The following RFFL variants were observed in gnomAD, a reference collection of about 807,000 sequenced individuals.
RFFL encodes ring finger and FYVE like domain containing E3 ubiquitin protein ligase.
Under a neutral mutation model 40.4 loss-of-function variants are expected in RFFL, and 16 were observed. That is an observed-to-expected ratio of 0.40 (90% CI 0.27 to 0.60). The LOEUF (loss-of-function observed/expected upper bound fraction) is 0.60. RFFL is among the 20% of genes least tolerant of loss of function. The pLI is 0.47. For synonymous variants in RFFL, 154 were observed against 167.9 expected, an observed-to-expected ratio of 0.92 and a Z score of 0.64; for missense variants, 367 against 451.7, an observed-to-expected ratio of 0.81 and a Z score of 1.70.
At chr17:35,065,123 T>C (rs768584135), upstream of RFFL, among the ~76,000 whole-genome samples, 96 of 151,620 alleles carry the variant, frequency 6.3e-4, no homozygotes, top group Admixed American at 2.9e-3. Context: ...AACCACACTT[T>C]AAAAAAAATT....
Position 35,009,690 on chromosome 17 carries a change from G to A in RFFL, c.*2278C>T, listed in dbSNP as rs1407769186. On this transcript the variant is annotated 3_prime_UTR_variant, in exon 7 of 7. Coordinates refer to ENST00000394597, the MANE Select transcript of RFFL (RefSeq NM_001017368.2). ...AAGGCAAAATGAGTAAACAACCTCA[G>A]TTTTAATTCTTACTGAGGTTACTAA... The A allele has an allele frequency of 6.6e-6, 1 of 152,076 alleles. No individual in the cohort carries two copies. The highest frequency in any genetic ancestry group is 1.5e-5 in the Non-Finnish European group (1 of 68,022). The allele number at this position is 152,076 out of a possible 1,614,324, so 9.4% of individuals were successfully genotyped here. A position where few individuals can be genotyped will look rare whatever the true frequency, so the allele number is the denominator to read the frequency against.
At chr17:35,049,034 G>C (rs139400792) in intron 1 of RFFL, among the ~76,000 whole-genome samples, 103 of 152,222 alleles carry the variant, frequency 6.8e-4, no homozygotes, top group South Asian at 1.9e-3. Flanking sequence ...TCCTTGCCAA[G>C]AACACCTGTG....
Position 35,014,638 on chromosome 17 carries a change from G to C in RFFL, c.910+102C>G, listed in dbSNP as rs77160859. 5.0e-3 allele frequency: 5,597 copies of C among 1,110,786 alleles called. 176 individuals carry two copies. In the African/African-American group the frequency reaches 0.076, roughly 15 times the overall value. 68.8% of individuals were successfully genotyped at this position (1,110,786 alleles called of 1,614,324 possible). A position where few individuals can be genotyped will look rare whatever the true frequency, so the allele number is the denominator to read the frequency against. On this transcript the variant is annotated intron_variant, in intron 6 of 6. Coordinates refer to ENST00000394597, the MANE Select transcript of RFFL (RefSeq NM_001017368.2). ...TTTCCCACACACCCTCTCTCTGGGG[G>C]CTCAAATGCTCAGAATTCTTAGATT...
intron 1 of RFFL, chr17:35,076,686 A>G (rs964778725): frequency 9.9e-6 from 1 of 101,146 alleles, no homozygotes; most frequent in Non-Finnish European, 2.1e-5. Context: ...CTCAAATAAT[A>G]ATAATAATAA....
chr17:35,081,688 G>A (rs1283871967), intron 1 of RFFL, among the ~76,000 whole-genome samples: 1 of 151,986 alleles, frequency 6.6e-6, no homozygotes, highest in Admixed American at 6.6e-5. Flanking sequence ...GTACCCTGGG[G>A]CCTAAGTCCA....
chr17:35,085,218 AAC>A (rs2091423485), intron 1 of RFFL, among the ~76,000 whole-genome samples: 1 of 152,192 alleles, frequency 6.6e-6, no homozygotes, highest in African/African-American at 2.4e-5. Flanking sequence ...AGCTGCACTG[AAC>A]CCAATGTGAC....
chr17:35,078,436 G>A (rs1278508525), intron 1 of RFFL, among the ~76,000 whole-genome samples: 1 of 152,100 alleles, frequency 6.6e-6, no homozygotes, highest in African/African-American at 2.4e-5. Flanking sequence ...CTGAGTAGCT[G>A]AGACTGCAGG....
rs2091009425 is a variant in RFFL, at chr17:35,021,637, A to G, written c.325T>C (p.Leu109=). The change falls in exon 3 of 7, where the codon TTG becomes CTG. Residue 109 remains leucine, a synonymous_variant. Coordinates refer to ENST00000394597, the MANE Select transcript of RFFL (RefSeq NM_001017368.2). The part of the protein sequence containing the change: ...EELMKMKVKD[L]RDYLSLHDIS... Reference sequence around the variant, plus strand: ...TCATGGAGGCTGAGATAGTCCCTCAAGTCCTTCACCTTCATCTTCATGAGC... The same window carrying G: ...TCATGGAGGCTGAGATAGTCCCTCAGGTCCTTCACCTTCATCTTCATGAGC... The G allele has an allele frequency of 1.2e-6, 2 of 1,614,126 alleles. No homozygotes were observed. The highest frequency in any genetic ancestry group is 1.1e-5 in the South Asian group (1 of 91,090).
At chr17:35,082,215 G>C (rs1407096831) in intron 1 of RFFL, among the ~76,000 whole-genome samples, 1 of 152,132 alleles carries the variant, frequency 6.6e-6, no homozygotes, top group Non-Finnish European at 1.5e-5. Context: ...TCCAGGGACT[G>C]GGCCTGCATC....
At chr17:35,049,381 G>A (rs1418594570) in intron 1 of RFFL, among the ~76,000 whole-genome samples, 1 of 152,080 alleles carries the variant, frequency 6.6e-6, no homozygotes, top group African/African-American at 2.4e-5. Flanking sequence ...CAGCAGAATG[G>A]ACCTGGTTCA....
upstream of RFFL, among the ~76,000 whole-genome samples, chr17:35,067,733 G>T (rs534003075): frequency 6.6e-6 from 1 of 152,296 alleles, no homozygotes; most frequent in South Asian, 2.1e-4. Context: ...GGGATTATAG[G>T]TGTGAGCCAC....
In RFFL at chr17:35,008,035, C is replaced by T. The variant is rs1005039422; in HGVS notation, c.*3933G>A. On this transcript the variant is annotated 3_prime_UTR_variant, in exon 7 of 7. Coordinates refer to ENST00000394597, the MANE Select transcript of RFFL (RefSeq NM_001017368.2). ...GGATTACAGGCGTGAGCCATGGCGCCCAGCCTGGGCCAACCTTTTCTGAGC... is the reference window on the plus strand; with the variant it reads ...GGATTACAGGCGTGAGCCATGGCGCTCAGCCTGGGCCAACCTTTTCTGAGC... 2 of 152,284 alleles carry T rather than the reference C, an allele frequency of 1.3e-5. No homozygotes were observed. The highest frequency in any genetic ancestry group is 2.4e-5 in the African/African-American group (1 of 41,454). 9.4% of individuals were successfully genotyped at this position (152,284 alleles called of 1,614,324 possible). A position where few individuals can be genotyped will look rare whatever the true frequency, so the allele number is the denominator to read the frequency against.
intron 1 of RFFL, among the ~76,000 whole-genome samples, chr17:35,075,351 T>C (rs939879904): frequency 1.3e-5 from 2 of 152,340 alleles, no homozygotes; most frequent in African/African-American, 2.4e-5. Flanking sequence ...CTTTTTCCCA[T>C]TTCTAGTTTT....
At chr17:35,041,824 C>A (rs1196366961) in intron 1 of RFFL, among the ~76,000 whole-genome samples, 2 of 152,084 alleles carry the variant, frequency 1.3e-5, no homozygotes, top group African/African-American at 4.8e-5. Context: ...CAAGACCAGC[C>A]TAGACAACAT....
intron 1 of RFFL, among the ~76,000 whole-genome samples, chr17:35,045,368 G>A (rs2091192959): frequency 6.6e-6 from 1 of 151,388 alleles, no homozygotes; most frequent in African/African-American, 2.4e-5. Flanking sequence ...GAGTAGCTGG[G>A]ATTACAGGCA....
chr17:35,038,003 A>G (rs2091134670), intron 1 of RFFL, among the ~76,000 whole-genome samples: 1 of 151,908 alleles, frequency 6.6e-6, no homozygotes, highest in Admixed American at 6.6e-5. Flanking sequence ...GAGCAACTGG[A>G]GCAGACGGGC....
chr17:35,064,711 C>T (rs1175581939), upstream of RFFL, among the ~76,000 whole-genome samples: 1 of 152,188 alleles, frequency 6.6e-6, no homozygotes, highest in African/African-American at 2.4e-5. Context: ...GGCCTCTGCA[C>T]CCAGCTTCGT....
intron 1 of RFFL, among the ~76,000 whole-genome samples, chr17:35,048,940 G>C (rs1007828769): frequency 1.3e-5 from 2 of 152,082 alleles, no homozygotes; most frequent in African/African-American, 4.8e-5. Flanking sequence ...GATCTACCCA[G>C]TATCTACGCC....
intron 1 of RFFL, among the ~76,000 whole-genome samples, chr17:35,028,425 C>G (rs760951308): frequency 6.6e-6 from 1 of 151,964 alleles, no homozygotes; most frequent in Non-Finnish European, 1.5e-5. Context: ...ATGATTTTTA[C>G]GATCACAAAA....
Sources: allele counts gnomAD v4.1 joint callset (sites outside exome capture counted in the v4.1 genomes callset), GRCh38; gene constraint gnomAD v4.1.1; transcripts MANE v1.5; gene names NCBI Gene and HGNC (gene_info 2026-07-23, HGNC 2026-07-21).